CTNNA3: variants seen among roughly 807,000 people sequenced by gnomAD.
CTNNA3 encodes the protein catenin alpha-3.
In CTNNA3, 76 loss-of-function variants were observed where a neutral mutation model predicts 95.7. The ratio of observed to expected loss-of-function variants is 0.79; its 90% CI spans 0.66 to 0.96. The LOEUF (loss-of-function observed/expected upper bound fraction) is 0.96. Ranked by LOEUF, CTNNA3 falls within the 40% of genes least tolerant of loss-of-function variation. The pLI, the probability that CTNNA3 is intolerant of heterozygous loss-of-function variation, is 0.00. For missense variants in CTNNA3, 1,191 were observed against 1,089.8 expected (o/e 1.09, Z -1.31); for synonymous variants, 431 against 374.4 (o/e 1.15, Z -1.74).
chr10:67,000,997 A>G (rs1049444369), intron 7 of CTNNA3, among the ~76,000 whole-genome samples: 3 of 152,154 alleles, frequency 2.0e-5, no homozygotes, highest in Non-Finnish European at 4.4e-5. Context: ...GAATAGTCCA[A>G]GAAAGGACGA....
intron 16 of CTNNA3, among the ~76,000 whole-genome samples, chr10:65,982,699 G>A (rs903302288): frequency 7.5e-5 from 11 of 146,056 alleles, no homozygotes; most frequent in Admixed American, 4.2e-4. Context: ...ATATATATGT[G>A]TGTGTGTGTG....
At chr10:67,213,896 A>G (rs1004987045) in intron 6 of CTNNA3, among the ~76,000 whole-genome samples, 1 of 151,820 alleles carries the variant, frequency 6.6e-6, no homozygotes, top group Non-Finnish European at 1.5e-5. Flanking sequence ...AATTTATCCT[A>G]TCAGTAGATA....
intron 9 of CTNNA3, among the ~76,000 whole-genome samples, chr10:66,725,181 A>G (rs1848742278): frequency 6.6e-6 from 1 of 150,920 alleles, no homozygotes; most frequent in South Asian, 2.1e-4. Flanking sequence ...CACAACTACT[A>G]TAGACCTAAC....
intron 15 of CTNNA3, among the ~76,000 whole-genome samples, chr10:66,008,051 T>A (rs189897784): frequency 1.3e-5 from 2 of 152,266 alleles, no homozygotes; most frequent in East Asian, 3.9e-4. Flanking sequence ...GAAAACCATC[T>A]GATGACATTT....
At chr10:67,001,047 A>G (rs1188268191) in intron 7 of CTNNA3, among the ~76,000 whole-genome samples, 2 of 152,166 alleles carry the variant, frequency 1.3e-5, no homozygotes, top group Non-Finnish European at 2.9e-5. Flanking sequence ...TCATGCCTGT[A>G]ATCCCAGCAC....
intron 7 of CTNNA3, among the ~76,000 whole-genome samples, chr10:67,061,024 G>T (rs1336171695): frequency 2.0e-5 from 3 of 151,916 alleles, no homozygotes; most frequent in Non-Finnish European, 4.4e-5. Context: ...CTTCCTTAGT[G>T]ACTCAATGAA....
chr10:66,390,905 T>A (rs961653143), intron 11 of CTNNA3, among the ~76,000 whole-genome samples: 4 of 152,144 alleles, frequency 2.6e-5, no homozygotes, highest in Non-Finnish European at 1.5e-5. Flanking sequence ...CCTAAATCCT[T>A]TCTTCTGTCT....
At chr10:67,710,445 C>T (rs934665314) in intron 1 of CTNNA3, among the ~76,000 whole-genome samples, 1 of 152,078 alleles carries the variant, frequency 6.6e-6, no homozygotes, top group African/African-American at 2.4e-5. Context: ...AATTCTGGGA[C>T]AGGAATGTGA....
At chr10:66,135,455 A>G (rs2083299610) in intron 13 of CTNNA3, among the ~76,000 whole-genome samples, 1 of 152,230 alleles carries the variant, frequency 6.6e-6, no homozygotes, top group African/African-American at 2.4e-5. Context: ...GTATTAAATC[A>G]TTTCATCAAT....
At chr10:67,663,036 A>T (rs2133530852) in intron 1 of CTNNA3, among the ~76,000 whole-genome samples, 1 of 152,282 alleles carries the variant, frequency 6.6e-6, no homozygotes, top group East Asian at 1.9e-4. Flanking sequence ...TCAAAAGTTG[A>T]TTCACTTTTT....
intron 10 of CTNNA3, among the ~76,000 whole-genome samples, chr10:66,571,104 T>C (rs1229422760): frequency 6.6e-6 from 1 of 152,204 alleles, no homozygotes; most frequent in African/African-American, 2.4e-5. Context: ...CTTCAAAGCA[T>C]ATACTAAGGC....
At chr10:67,302,554 TTAAAA>T (rs968385785) in intron 5 of CTNNA3, among the ~76,000 whole-genome samples, 4 of 152,174 alleles carry the variant, frequency 2.6e-5, no homozygotes, top group Non-Finnish European at 4.4e-5. Flanking sequence ...TTGTTGTCAA[TTAAAA>T]TAAAATAAAA....
chr10:67,081,850 C>G (rs1292098146), intron 7 of CTNNA3, among the ~76,000 whole-genome samples: 1 of 152,178 alleles, frequency 6.6e-6, no homozygotes, highest in African/African-American at 2.4e-5. Flanking sequence ...GGTGATCATG[C>G]CCTCCTCTGG....
chr10:66,255,911 T>C (rs1379370754), intron 13 of CTNNA3, among the ~76,000 whole-genome samples: 1 of 152,204 alleles, frequency 6.6e-6, no homozygotes, highest in African/African-American at 2.4e-5. Flanking sequence ...GCAAGATATA[T>C]TTGTGGTATT....
intron 11 of CTNNA3, among the ~76,000 whole-genome samples, chr10:66,467,021 C>T (rs12249866): frequency 0.062 from 9,384 of 152,032 alleles, 599 homozygotes; most frequent in African/African-American, 0.16. Context: ...GGAATCTGAC[C>T]TAGCACACAG....
intron 7 of CTNNA3, among the ~76,000 whole-genome samples, chr10:67,154,510 T>G (rs1861214716): frequency 1.3e-5 from 2 of 152,214 alleles, no homozygotes. Flanking sequence ...CTACAAAGAT[T>G]AAATCAATAT....
intron 5 of CTNNA3, among the ~76,000 whole-genome samples, chr10:67,240,230 A>G (rs1865665911): frequency 6.6e-6 from 1 of 152,206 alleles, no homozygotes; most frequent in Non-Finnish European, 1.5e-5. Flanking sequence ...GCCCATGTAT[A>G]CTTTGCTATT....
In CTNNA3 at chr10:66,940,636, C is replaced by G. The variant is rs575976821; in HGVS notation, c.1048-165112G>C. On this transcript the variant is annotated intron_variant, in intron 7 of 17. Coordinates refer to ENST00000433211, the MANE Select transcript of CTNNA3 (RefSeq NM_013266.4). ...ACCCACAAATTATATTTCCAGAGGT[C>G]AAATTTGCATATAACTCCTTGAACT... Among the ~76,000 whole-genome samples, 5 of 152,256 alleles carry G rather than the reference C, an allele frequency of 3.3e-5. No individual in the cohort carries two copies. The East Asian group carries it at 9.6e-4, about 29-fold the overall frequency.
intron 7 of CTNNA3, among the ~76,000 whole-genome samples, chr10:67,131,191 G>C (rs141691444): frequency 6.6e-6 from 1 of 151,954 alleles, no homozygotes; most frequent in South Asian, 2.1e-4. Flanking sequence ...GAATGCTCTA[G>C]GAAGCCTTTT....
Sources: allele counts gnomAD v4.1 joint callset (sites outside exome capture counted in the v4.1 genomes callset), GRCh38; gene constraint gnomAD v4.1.1; transcripts MANE v1.5; gene names NCBI Gene and HGNC (gene_info 2026-07-23, HGNC 2026-07-21).